Variants in OTC observed in about 807,000 individuals in gnomAD.
OTC encodes the protein ornithine transcarbamylase, mitochondrial.
In OTC, 3 loss-of-function variants were observed where a neutral mutation model predicts 30.3. The observed-to-expected ratio is 0.10, with a 90% confidence interval of 0.05 to 0.26. The LOEUF is 0.26. Ranked by LOEUF, OTC falls within the 10% of genes least tolerant of loss-of-function variation. The probability of loss-of-function intolerance (pLI) is 1.00; values close to 1 mark genes in which losing one functional copy is unlikely to be tolerated. For synonymous variants in OTC, 111 were observed against 99.7 expected, an observed-to-expected ratio of 1.11 and a Z score of -0.67; for missense variants, 194 against 260.3, an observed-to-expected ratio of 0.75 and a Z score of 1.75.
At chrX:38,407,771 C>T (rs762936348) in intron 6 of OTC, among the ~76,000 whole-genome samples, 1 of 111,971 alleles carries the variant, frequency 8.9e-6, no homozygotes, top group African/African-American at 3.2e-5. Flanking sequence ...AGGTGGGGAG[C>T]CTTGATGCTC....
At chrX:38,398,378 C>G (rs777345030) in intron 4 of OTC, among the ~76,000 whole-genome samples, 6 of 112,133 alleles carry the variant, frequency 5.4e-5, no homozygotes, top group African/African-American at 1.6e-4. Flanking sequence ...CTGTAAAGTT[C>G]GAGAAAACCA....
Position 38,382,560 on chromosome X carries a change from A to G in OTC, c.386+1131A>G, listed in dbSNP as rs2068381771. ...TTCAGATGGGACAATGAAAGTATTA[A>G]GAAGTGTGATTAGCTTCTGGATTCT... On this transcript the variant is annotated intron_variant, in intron 4 of 9. Transcript: ENST00000039007. 4.4e-5 allele frequency among the ~76,000 whole-genome samples: 5 copies of G among 112,594 alleles called. 1 individual carries two copies. In the South Asian group the frequency reaches 1.8e-3, roughly 41 times the overall value.
At chrX:38,357,314 C>T (rs1298290912) in intron 1 of OTC, among the ~76,000 whole-genome samples, 1 of 112,322 alleles carries the variant, frequency 8.9e-6, no homozygotes, top group African/African-American at 3.2e-5. Flanking sequence ...GGCCAATCTA[C>T]CTTTGCCTAA....
chrX:38,334,231 G>T, the OTC span, among the ~76,000 whole-genome samples: 1 of 110,945 alleles, frequency 9.0e-6, no homozygotes, highest in Non-Finnish European at 1.9e-5. Flanking sequence ...TTAAATTCCC[G>T]TATTACAGAA....
intron 4 of OTC, among the ~76,000 whole-genome samples, chrX:38,384,691 G>T (rs187050662): frequency 1.8e-4 from 20 of 111,515 alleles, no homozygotes. Flanking sequence ...CTGATTGACG[G>T]TGTTGCTTCT....
At chrX:38,414,287 C>T (rs2068558874) in intron 9 of OTC, among the ~76,000 whole-genome samples, 3 of 111,985 alleles carry the variant, frequency 2.7e-5, no homozygotes, top group Non-Finnish European at 5.6e-5. Flanking sequence ...TATTAAACAA[C>T]GTCTTTAAAA....
chrX:38,339,749 C>T, the OTC span, among the ~76,000 whole-genome samples: 2 of 111,087 alleles, frequency 1.8e-5, no homozygotes, highest in African/African-American at 6.6e-5. Context: ...CCACTCCACC[C>T]CAGTCCACAA....
chrX:38,409,108 G>A lies in OTC; in HGVS notation c.867+83G>A. On this transcript the variant is annotated intron_variant, in intron 8 of 9. Transcript: ENST00000039007. ...TCTAATCACTTATTCACTTTAGGGG[G>A]AGCAGACTGTCCTTTCATTCCCTAT... 4 of 990,635 alleles carry A rather than the reference G, an allele frequency of 4.0e-6. No individual in the cohort carries two copies. The South Asian group carries it at 7.8e-5, about 19-fold the overall frequency. The allele number at this position is 990,635 out of a possible 1,213,427, so 81.6% of individuals were successfully genotyped here.
rs185614610 is a variant in OTC at position 38,355,052 on chromosome X, A to T, written c.77+2279A>T. ...GTTATGTAACATACCACGTGAGTTT[A>T]CTACTCCAGAATAATAGGAAATATG... is the stretch of plus-strand genomic sequence containing the variant. On this transcript the variant is annotated intron_variant, in intron 1 of 9. Coordinates refer to ENST00000039007, the MANE Select transcript of OTC (RefSeq NM_000531.6). 4.7e-3 allele frequency among the ~76,000 whole-genome samples: 526 copies of T among 111,871 alleles called. 5 individuals carry two copies. The highest frequency in any genetic ancestry group is 0.016 in the African/African-American group (490 of 30,773).
upstream of OTC, among the ~76,000 whole-genome samples, chrX:38,348,726 A>G (rs2068201377): frequency 9.1e-6 from 1 of 109,304 alleles, no homozygotes; most frequent in African/African-American, 3.3e-5. Flanking sequence ...TTTAGTAGAG[A>G]TGGGGTTTCA....
chrX:38,330,207 G>T, the OTC span, among the ~76,000 whole-genome samples: 1 of 111,890 alleles, frequency 8.9e-6, no homozygotes, highest in Non-Finnish European at 1.9e-5. Flanking sequence ...TAAGGGCCAT[G>T]AGCGGAGGAA....
At chrX:38,400,566 A>G (rs1400839589) in intron 4 of OTC, among the ~76,000 whole-genome samples, 1 of 111,688 alleles carries the variant, frequency 9.0e-6, no homozygotes, top group Non-Finnish European at 1.9e-5. Flanking sequence ...ATGCGTGGGT[A>G]GGGAGAGAGC....
At chrX:38,375,914 A>C (rs2068345682) in intron 3 of OTC, among the ~76,000 whole-genome samples, 1 of 111,692 alleles carries the variant, frequency 9.0e-6, no homozygotes, top group Admixed American at 9.6e-5. Context: ...TTCAGAAGTC[A>C]AGAAAAATAG....
chrX:38,404,491 G>A (rs1212466226), intron 6 of OTC, among the ~76,000 whole-genome samples: 1 of 111,955 alleles, frequency 8.9e-6, no homozygotes, highest in Non-Finnish European at 1.9e-5. Context: ...TGAGAAATGG[G>A]TCCTTCGATG....
chrX:38,335,249 T>G, the OTC span, among the ~76,000 whole-genome samples: 4 of 112,614 alleles, frequency 3.6e-5, no homozygotes, highest in African/African-American at 9.7e-5. Context: ...CTGATTCTTC[T>G]TCTGGTAAAT....
chrX:38,381,972 T>C (rs1052966653), intron 4 of OTC, among the ~76,000 whole-genome samples: 6 of 111,721 alleles, frequency 5.4e-5, no homozygotes, highest in African/African-American at 9.8e-5. Flanking sequence ...ATGTTCCTGA[T>C]TGGTAAAAGG....
chrX:38,353,891 CAAGTAT>C (rs2068229066), intron 1 of OTC, among the ~76,000 whole-genome samples: 2 of 111,564 alleles, frequency 1.8e-5, no homozygotes, highest in African/African-American at 6.5e-5. Context: ...TCTCTTATTT[CAAGTAT>C]AAGGTAAAAA....
At chrX:38,340,932 G>A in the OTC span, among the ~76,000 whole-genome samples, 2 of 110,289 alleles carry the variant, frequency 1.8e-5, no homozygotes, top group African/African-American at 6.6e-5. Context: ...GAGTAGCTGG[G>A]ATTACAGGCG....
chrX:38,405,666 G>A, intron 6 of OTC, among the ~76,000 whole-genome samples: 1 of 111,646 alleles, frequency 9.0e-6, no homozygotes, highest in Non-Finnish European at 1.9e-5. Flanking sequence ...TGCATGCAGT[G>A]GAAGTCATCC....
Sources: allele counts gnomAD v4.1 joint callset (sites outside exome capture counted in the v4.1 genomes callset), GRCh38; gene constraint gnomAD v4.1.1; transcripts MANE v1.5; gene names NCBI Gene and HGNC (gene_info 2026-07-23, HGNC 2026-07-21).